The following MAPKAPK5 variants were observed in gnomAD, a reference collection of about 807,000 sequenced individuals.
MAPKAPK5 encodes MAPK activated protein kinase 5, also known as MAP kinase-activated protein kinase 5.
In MAPKAPK5, 30 loss-of-function variants were observed where a neutral mutation model predicts 65.1. That is an observed-to-expected ratio of 0.46 (90% CI 0.34 to 0.63). The LOEUF is 0.63. Among genes scored for constraint, MAPKAPK5 ranks in the 20% least tolerant of loss-of-function variants. MAPKAPK5 has a pLI of 0.01. For synonymous variants in MAPKAPK5, 179 were observed against 204.6 expected, an observed-to-expected ratio of 0.87 and a Z score of 1.07; for missense variants, 433 against 581.4, an observed-to-expected ratio of 0.74 and a Z score of 2.63.
intron 7 of MAPKAPK5, among the ~76,000 whole-genome samples, chr12:111,877,111 G>A (rs900348395): frequency 1.9e-5 from 2 of 103,318 alleles, no homozygotes; most frequent in East Asian, 3.2e-4. Context: ...TCCACCTCCC[G>A]GGTTCAAGCG....
chr12:111,882,193 C>T (rs1184951609), intron 8 of MAPKAPK5, among the ~76,000 whole-genome samples: 1 of 152,078 alleles, frequency 6.6e-6, no homozygotes, highest in Non-Finnish European at 1.5e-5. Flanking sequence ...ATCCTGGCCA[C>T]TGTGGTGAAA....
chr12:111,866,341 T>C (rs1320999550), intron 3 of MAPKAPK5, 110 bp downstream of exon 3: 5 of 879,548 alleles, frequency 5.7e-6, no homozygotes, highest in Non-Finnish European at 8.6e-6. Flanking sequence ...AAAAGTTTTA[T>C]GTCCAAACTT....
chr12:111,883,628 C>CG lies in MAPKAPK5; in HGVS notation c.710dup (p.Tyr238IlefsTer27). On this transcript the variant is annotated frameshift_variant, in exon 9 of 14. Transcript: ENST00000550735. LOFTEE classifies it high-confidence loss of function. The surrounding 1 kb of genome is among the most constrained non-coding windows in gnomAD (Gnocchi z 4.8). The stretch of plus-strand genomic sequence containing the variant: ...GGGTGATTATCTATGTGATGCTGTG[C>CG]GGATACCCTCCTTTTTACTCCAAAC... The CG allele has an allele frequency of 6.2e-7, 1 of 1,613,896 alleles. No homozygotes were observed. The highest frequency in any genetic ancestry group is 8.5e-7 in the Non-Finnish European group (1 of 1,179,854).
chr12:111,842,714 C>T lies in MAPKAPK5; in HGVS notation c.-20C>T. On this transcript the variant is annotated 5_prime_UTR_variant, in exon 1 of 14. Transcript: ENST00000550735. ...GCTGAGCAGCCTCCGCCTCTCCCGG[C>T]TGTGGGGGCCCCACTGAGTATGTCG... 7.3e-7 allele frequency: 1 copy of T among 1,374,424 alleles called. No individual in the cohort carries two copies. Among genetic ancestry groups the T allele is most frequent in the Non-Finnish European group, 9.4e-7 (1 of 1,058,474 alleles). The allele number at this position is 1,374,424 out of a possible 1,614,324, so 85.1% of individuals were successfully genotyped here.
chr12:111,861,733 A>G (rs1181258612), intron 1 of MAPKAPK5, among the ~76,000 whole-genome samples: 1 of 152,194 alleles, frequency 6.6e-6, no homozygotes, highest in African/African-American at 2.4e-5. Flanking sequence ...TTCTCTGTAA[A>G]GGGTGATATA....
At chr12:111,862,253 A>G (rs1297195005) in intron 1 of MAPKAPK5, among the ~76,000 whole-genome samples, 1 of 152,200 alleles carries the variant, frequency 6.6e-6, no homozygotes, top group Non-Finnish European at 1.5e-5. Flanking sequence ...GAAAAAGGAC[A>G]GGAGGTATAA....
rs1480687623 is a variant in MAPKAPK5, at chr12:111,889,011, C to T, written c.1216+11C>T. ...TTCTCCCCCAGGCTGGTAAAGGTCA[C>T]ACCATTTACTAATCCTCTGTGTGTC... On this transcript the variant is annotated intron_variant, in intron 12 of 13. Transcript: ENST00000550735. 6.4e-7 allele frequency: 1 copy of T among 1,562,454 alleles called. No individual in the cohort carries two copies. Among genetic ancestry groups the T allele is most frequent in the South Asian group, 1.2e-5 (1 of 84,898 alleles).
chr12:111,880,574 C>CTAAAGGAGAGGGG, intron 8 of MAPKAPK5, 47 bp downstream of exon 8: 2 of 1,549,210 alleles, frequency 1.3e-6, no homozygotes, highest in East Asian at 2.2e-5. Flanking sequence ...CAGCCCCTCT[C>CTAAAGGAGAGGGG]CTTTAGTGAG....
In MAPKAPK5 at chr12:111,883,525, G is replaced by A. The variant is rs1593177311; in HGVS notation, c.661-56G>A. 1 of 1,524,992 alleles carries A rather than the reference G, an allele frequency of 6.6e-7. No individual in the cohort carries two copies. Among genetic ancestry groups the A allele is most frequent in the East Asian group, 2.3e-5 (1 of 44,408 alleles). 94.5% of individuals were successfully genotyped at this position (1,524,992 alleles called of 1,614,324 possible). On this transcript the variant is annotated intron_variant, in intron 8 of 13. Coordinates refer to ENST00000550735, the MANE Select transcript of MAPKAPK5 (RefSeq NM_003668.4). The surrounding 1 kb of genome is among the most constrained non-coding windows in gnomAD (Gnocchi z 4.8). ...GCTATTCCTGAGCCTGTCATGGGGT[G>A]TTTATTTGGGGGCTCTGCTTCTGCT...
Position 111,893,156 on chromosome 12 carries a change from TC to T in MAPKAPK5, c.*97del. The T allele has an allele frequency of 1.1e-6, 1 of 878,338 alleles. No homozygotes were observed. Among genetic ancestry groups the T allele is most frequent in the Non-Finnish European group, 1.7e-6 (1 of 590,792 alleles). 54.4% of individuals were successfully genotyped at this position (878,338 alleles called of 1,614,324 possible). On this transcript the variant is annotated 3_prime_UTR_variant, in exon 14 of 14. Coordinates refer to ENST00000550735, the MANE Select transcript of MAPKAPK5 (RefSeq NM_003668.4). The stretch of plus-strand genomic sequence containing the variant: ...TAAATTAATAAATCATAATTTCATT[TC>T]CACATTGATTAAAGCTGCTGTATAG...
chr12:111,888,615 T>C lies in MAPKAPK5; in HGVS notation c.1097T>C (p.Leu366Pro), dbSNP rs1477039622. The C allele has an allele frequency of 1.2e-6, 2 of 1,613,594 alleles. No individual in the cohort carries two copies. The highest frequency in any genetic ancestry group is 1.7e-5 in the Admixed American group (1 of 59,914). Residue 366 changes from leucine to proline, a missense_variant, in exon 11 of 14, where the codon CTT (leucine) becomes CCT (proline). Transcript: ENST00000550735. Reference sequence around the variant, plus strand: ...CCCATTCTGCGGAAGAGGAAGTTACTTGGGTAACTGAGCTTATTTCTTCGA... The same window carrying C: ...CCCATTCTGCGGAAGAGGAAGTTACCTGGGTAACTGAGCTTATTTCTTCGA... ...NNPILRKRKL[L>P]GTKPKDSVYI...
chr12:111,861,659 C>A (rs963482243), intron 1 of MAPKAPK5, among the ~76,000 whole-genome samples: 1 of 151,988 alleles, frequency 6.6e-6, no homozygotes. Flanking sequence ...TCTTCTCAGG[C>A]GATTGTGATG....
intron 1 of MAPKAPK5, among the ~76,000 whole-genome samples, chr12:111,849,641 C>G (rs1437264958): frequency 1.3e-5 from 2 of 152,164 alleles, no homozygotes; most frequent in Non-Finnish European, 2.9e-5. Flanking sequence ...TGTGGCTTAT[C>G]TTTTCATTTT....
intron 2 of MAPKAPK5, among the ~76,000 whole-genome samples, chr12:111,865,717 TC>T (rs1364856342): frequency 1.3e-5 from 2 of 150,128 alleles, no homozygotes; most frequent in Non-Finnish European, 2.9e-5. Flanking sequence ...GTGCCTGTAA[TC>T]CCAGCTACTC....
Position 111,889,881 on chromosome 12 carries a change from C to T in MAPKAPK5, c.1217-159C>T, listed in dbSNP as rs904987974. On this transcript the variant is annotated intron_variant, in intron 12 of 13. Transcript: ENST00000550735. The stretch of plus-strand genomic sequence containing the variant: ...GAGTCCACATACCAGATGCGGTCTA[C>T]ATAATGTAGGGACTAGCAGTAAAGC... The T allele has an allele frequency of 6.7e-6, 4 of 595,272 alleles. No homozygotes were observed. The South Asian group carries it at 7.7e-5, about 11-fold the overall frequency. The allele number at this position is 595,272 out of a possible 1,614,324, so 36.9% of individuals were successfully genotyped here. A position where few individuals can be genotyped will look rare whatever the true frequency, so the allele number is the denominator to read the frequency against.
intron 1 of MAPKAPK5, among the ~76,000 whole-genome samples, chr12:111,862,610 A>G (rs2069477483): frequency 6.6e-6 from 1 of 152,172 alleles, no homozygotes; most frequent in African/African-American, 2.4e-5. Context: ...CTGAGGCAGG[A>G]GAATCGCTTG....
rs1293771941 is a variant in MAPKAPK5, at chr12:111,898,771, A to T, written c.*5710A>T. The T allele has an allele frequency of 6.6e-6, 1 of 152,246 alleles. No homozygotes were observed. The highest frequency in any genetic ancestry group is 1.5e-5 in the Non-Finnish European group (1 of 68,050). 9.4% of individuals were successfully genotyped at this position (152,246 alleles called of 1,614,324 possible). ...TGGTACCCTGAAAACTGCAGAAATG[A>T]GGGAAAGAGGCAGTGGGCCACAAAG... On this transcript the variant is annotated 3_prime_UTR_variant, in exon 14 of 14. Coordinates refer to ENST00000550735, the MANE Select transcript of MAPKAPK5 (RefSeq NM_003668.4).
At chr12:111,876,987 G>A (rs1388834344) in intron 7 of MAPKAPK5, among the ~76,000 whole-genome samples, 4 of 151,914 alleles carry the variant, frequency 2.6e-5, no homozygotes, top group African/African-American at 9.7e-5. Context: ...TAAAAGGTGT[G>A]AGGTAATAAT....
chr12:111,868,882 A>G, intron 5 of MAPKAPK5, 21 bp downstream of exon 5: 1 of 1,523,886 alleles, frequency 6.6e-7, no homozygotes, highest in Non-Finnish European at 8.8e-7. Context: ...CCCAGGTACC[A>G]ATCAAACTGC....
Sources: allele counts gnomAD v4.1 joint callset (sites outside exome capture counted in the v4.1 genomes callset), GRCh38; gene constraint gnomAD v4.1.1; non-coding constraint Gnocchi (gnomAD v3.1); transcripts MANE v1.5; gene names NCBI Gene and HGNC (gene_info 2026-07-23, HGNC 2026-07-21).